The following PTPRO variants were observed in gnomAD, a reference collection of about 807,000 sequenced individuals.
PTPRO encodes the protein protein tyrosine phosphatase receptor type O.
PTPRO carries 62 observed loss-of-function variants against 145.2 expected under a neutral mutation model. The observed-to-expected ratio is 0.43, with a 90% confidence interval of 0.35 to 0.53. The LOEUF (loss-of-function observed/expected upper bound fraction) is 0.53. Ranked by LOEUF, PTPRO falls within the 20% of genes least tolerant of loss-of-function variation. The pLI is 0.01. For synonymous variants in PTPRO, 565 were observed against 514.7 expected, an observed-to-expected ratio of 1.10 and a Z score of -1.32; for missense variants, 1,345 against 1,482.7, an observed-to-expected ratio of 0.91 and a Z score of 1.53.
At chr12:15,360,290 T>C (rs1938134086) in intron 1 of PTPRO, among the ~76,000 whole-genome samples, 1 of 152,152 alleles carries the variant, frequency 6.6e-6, no homozygotes, top group Non-Finnish European at 1.5e-5. Context: ...ATTGTAGGTG[T>C]TCAGAAAATA....
rs1229367113 is a variant in PTPRO at position 15,417,167 on chromosome 12, C to T, written c.76-66807C>T. Among the ~76,000 whole-genome samples the T allele has an allele frequency of 2.0e-5, 3 of 151,638 alleles. No homozygotes were observed. The East Asian group carries it at 5.8e-4, about 29-fold the overall frequency. On this transcript the variant is annotated intron_variant, in intron 1 of 26. Coordinates refer to ENST00000281171, the MANE Select transcript of PTPRO (RefSeq NM_030667.3). ...CCCGGCACATGGTTAAAAAACAATA[C>T]TACCTGTGCAAATACAGACGCTACT...
chr12:15,329,298 T>C (rs1408558363), intron 1 of PTPRO, among the ~76,000 whole-genome samples: 2 of 152,226 alleles, frequency 1.3e-5, no homozygotes, highest in African/African-American at 4.8e-5. Flanking sequence ...GAATTTGTGA[T>C]TGGCATGTAC....
chr12:15,443,341 A>C lies in PTPRO; in HGVS notation c.76-40633A>C, dbSNP rs56309004. On this transcript the variant is annotated intron_variant, in intron 1 of 26. Coordinates refer to ENST00000281171, the MANE Select transcript of PTPRO (RefSeq NM_030667.3). Reference sequence around the variant, plus strand: ...TATACTACAATTAACTGTATACAAAAATTAACTGAAAATTGATTAAAAATT... The same window carrying C: ...TATACTACAATTAACTGTATACAAACATTAACTGAAAATTGATTAAAAATT... Among the ~76,000 whole-genome samples, 1,115 of 152,298 alleles carry C rather than the reference A, an allele frequency of 7.3e-3. 9 individuals carry two copies. The highest frequency in any genetic ancestry group is 0.012 in the Admixed American group (181 of 15,278).
intron 12 of PTPRO, among the ~76,000 whole-genome samples, chr12:15,528,046 A>G (rs940143231): frequency 9.2e-5 from 14 of 152,172 alleles, no homozygotes; most frequent in Non-Finnish European, 1.6e-4. Context: ...AGAAATTTTT[A>G]AATCAAACAA....
rs752181620 is a variant in PTPRO, at chr12:15,521,413, G to A, written c.1891+1101G>A. On this transcript the variant is annotated intron_variant, in intron 10 of 26. Transcript: ENST00000281171. ...AGAAAATAGCAGTTACTTGGCAAGC[G>A]CTGTTAGTCTTTTGCCTATAATGAT... is the stretch of plus-strand genomic sequence containing the variant. 2.6e-5 allele frequency among the ~76,000 whole-genome samples: 4 copies of A among 152,278 alleles called. No homozygotes were observed. In the South Asian group the frequency reaches 6.2e-4, roughly 24 times the overall value.
intron 1 of PTPRO, among the ~76,000 whole-genome samples, chr12:15,404,637 T>C (rs1304634067): frequency 2.0e-5 from 3 of 152,236 alleles, no homozygotes; most frequent in Non-Finnish European, 4.4e-5. Context: ...GTGGAAGTTA[T>C]TAATCATACT....
At chr12:15,442,596 A>G (rs1324864221) in intron 1 of PTPRO, among the ~76,000 whole-genome samples, 2 of 152,166 alleles carry the variant, frequency 1.3e-5, no homozygotes, top group African/African-American at 4.8e-5. Flanking sequence ...TGACAACCCT[A>G]AAGACTCCAC....
intron 19 of PTPRO, among the ~76,000 whole-genome samples, chr12:15,573,417 C>A (rs993833314): frequency 2.0e-5 from 3 of 152,150 alleles, no homozygotes; most frequent in African/African-American, 7.2e-5. Flanking sequence ...TTTGGCCAAG[C>A]AACTGGACAC....
At chr12:15,509,123 G>A (rs1942383393) in intron 7 of PTPRO, among the ~76,000 whole-genome samples, 2 of 152,278 alleles carry the variant, frequency 1.3e-5, no homozygotes, top group South Asian at 4.2e-4. Context: ...AACATATAAT[G>A]ACTGCACTGT....
At chr12:15,565,196 C>T (rs1464667263) in intron 17 of PTPRO, among the ~76,000 whole-genome samples, 1 of 152,208 alleles carries the variant, frequency 6.6e-6, no homozygotes, top group Non-Finnish European at 1.5e-5. Flanking sequence ...ATTCCACCGT[C>T]TCTTTATTAG....
At chr12:15,456,422 T>G (rs748826015) in intron 1 of PTPRO, among the ~76,000 whole-genome samples, 2 of 152,208 alleles carry the variant, frequency 1.3e-5, no homozygotes, top group African/African-American at 2.4e-5. Flanking sequence ...GTTATTGGCC[T>G]GTAGTTTGCT....
At chr12:15,475,482 T>C (rs1261940768) in intron 1 of PTPRO, among the ~76,000 whole-genome samples, 3 of 152,252 alleles carry the variant, frequency 2.0e-5, no homozygotes, top group Non-Finnish European at 4.4e-5. Flanking sequence ...GCACAATATG[T>C]ATATGATTTC....
chr12:15,464,055 C>A (rs1332410255), intron 1 of PTPRO, among the ~76,000 whole-genome samples: 1 of 151,872 alleles, frequency 6.6e-6, no homozygotes, highest in Non-Finnish European at 1.5e-5. Context: ...CTAAAATCTC[C>A]CAGAAATTTT....
At chr12:15,415,459 A>ACTGCAAGCTCCGC (rs1939926499) in intron 1 of PTPRO, among the ~76,000 whole-genome samples, 1 of 149,424 alleles carries the variant, frequency 6.7e-6, no homozygotes, top group Non-Finnish European at 1.5e-5. Context: ...GTCTTGGCTC[A>ACTGCAAGCTCCGC]CTGCAAGCTC....
intron 10 of PTPRO, among the ~76,000 whole-genome samples, chr12:15,521,285 A>G (rs1008114672): frequency 6.6e-6 from 1 of 152,174 alleles, no homozygotes; most frequent in African/African-American, 2.4e-5. Context: ...ATTAACTTAC[A>G]TAAGCATGTC....
At chr12:15,346,628 A>C (rs1051736377) in intron 1 of PTPRO, 1 of 152,226 alleles carries the variant, frequency 6.6e-6, no homozygotes, top group Non-Finnish European at 1.5e-5. Flanking sequence ...CGAATGGTCT[A>C]TTTGGTGTAG....
At chr12:15,538,143 A>G (rs1366750301) in intron 12 of PTPRO, among the ~76,000 whole-genome samples, 1 of 151,810 alleles carries the variant, frequency 6.6e-6, no homozygotes, top group Non-Finnish European at 1.5e-5. Flanking sequence ...ACACTAACCA[A>G]TCCCTCGCCT....
At chr12:15,490,428 C>T (rs1941976532) in intron 2 of PTPRO, among the ~76,000 whole-genome samples, 1 of 152,118 alleles carries the variant, frequency 6.6e-6, no homozygotes, top group Admixed American at 6.5e-5. Context: ...ATGATAATGG[C>T]TATATTATAA....
intron 12 of PTPRO, among the ~76,000 whole-genome samples, chr12:15,545,119 C>G (rs556446047): frequency 1.3e-5 from 2 of 152,210 alleles, no homozygotes; most frequent in East Asian, 3.9e-4. Flanking sequence ...AGGTTCAAAT[C>G]TTTCCACACA....
Sources: allele counts gnomAD v4.1 joint callset (sites outside exome capture counted in the v4.1 genomes callset), GRCh38; gene constraint gnomAD v4.1.1; transcripts MANE v1.5; gene names NCBI Gene and HGNC (gene_info 2026-07-23, HGNC 2026-07-21).